Variants in ZFHX3 observed in about 807,000 individuals in gnomAD.
ZFHX3 encodes zinc finger homeobox 3.
Under a neutral mutation model 279.1 loss-of-function variants are expected in ZFHX3, and 42 were observed. That is an observed-to-expected ratio of 0.15 (90% CI 0.12 to 0.19). ZFHX3 has a LOEUF of 0.19. Ranked by LOEUF, ZFHX3 falls within the 10% of genes least tolerant of loss-of-function variation. ZFHX3 has a pLI of 1.00. For synonymous variants in ZFHX3, 2,293 were observed against 1,957.8 expected, an observed-to-expected ratio of 1.17 and a Z score of -4.52; for missense variants, 4,981 against 4,754.0, an observed-to-expected ratio of 1.05 and a Z score of -1.40.
intron 1 of ZFHX3, among the ~76,000 whole-genome samples, chr16:73,016,588 T>C (rs1964111165): frequency 6.6e-6 from 1 of 152,118 alleles, no homozygotes; most frequent in Non-Finnish European, 1.5e-5. Flanking sequence ...CCTCTCAAAA[T>C]AATAATAAAC....
intron 3 of ZFHX3, among the ~76,000 whole-genome samples, chr16:72,944,689 T>C (rs1960578289): frequency 6.6e-6 from 1 of 152,214 alleles, no homozygotes. Context: ...TTACTCATAT[T>C]ACTTTAACTG....
chr16:73,470,028 T>C (rs1238205822), intron 2 of ZFHX3, among the ~76,000 whole-genome samples: 4 of 152,162 alleles, frequency 2.6e-5, no homozygotes, highest in Non-Finnish European at 5.9e-5. Flanking sequence ...TCCAGAATGA[T>C]AGTCTTCCAA....
intron 1 of ZFHX3, among the ~76,000 whole-genome samples, chr16:73,770,628 C>T (rs758775348): frequency 6.6e-6 from 1 of 152,156 alleles, no homozygotes; most frequent in Non-Finnish European, 1.5e-5. Flanking sequence ...AAGAAAATAG[C>T]ATTGCTATCT....
At chr16:73,142,618 T>C (rs1429632973) in intron 6 of ZFHX3, among the ~76,000 whole-genome samples, 4 of 152,184 alleles carry the variant, frequency 2.6e-5, no homozygotes, top group Admixed American at 2.6e-4. Flanking sequence ...GATGCGTTAA[T>C]GAGTGCATGA....
chr16:72,856,642 T>G (rs2037762081), intron 4 of ZFHX3, among the ~76,000 whole-genome samples: 2 of 152,272 alleles, frequency 1.3e-5, no homozygotes, highest in African/African-American at 4.8e-5. Flanking sequence ...GACTTCAATG[T>G]CTAATCTTCC....
chr16:73,286,803 G>A (rs2014614371), intron 4 of ZFHX3, among the ~76,000 whole-genome samples: 1 of 144,938 alleles, frequency 6.9e-6, no homozygotes, highest in South Asian at 2.3e-4. Context: ...GGCTGTGTGG[G>A]TTGGTGTGTG....
intron 3 of ZFHX3, among the ~76,000 whole-genome samples, chr16:73,403,034 GCA>G (rs1040236215): frequency 2.0e-5 from 3 of 152,068 alleles, no homozygotes; most frequent in Non-Finnish European, 4.4e-5. Context: ...GTGTAAATAG[GCA>G]CACACACGTG....
intron 3 of ZFHX3, among the ~76,000 whole-genome samples, chr16:73,320,732 G>T (rs180868006): frequency 6.6e-6 from 1 of 152,298 alleles, no homozygotes; most frequent in Admixed American, 6.5e-5. Context: ...TAAACCATCT[G>T]TGGGATGTCT....
At chr16:73,684,398 G>A (rs561662564) in intron 1 of ZFHX3, among the ~76,000 whole-genome samples, 4 of 151,946 alleles carry the variant, frequency 2.6e-5, no homozygotes, top group African/African-American at 7.2e-5. Flanking sequence ...TTAGACTATA[G>A]GAAATAAAGG....
At chr16:73,698,831 G>GA (rs1217299745) in intron 1 of ZFHX3, among the ~76,000 whole-genome samples, 2 of 151,778 alleles carry the variant, frequency 1.3e-5, no homozygotes, top group Non-Finnish European at 2.9e-5. Flanking sequence ...GATATTAGTG[G>GA]AAAAAACCAA....
At chr16:72,828,024 T>C (rs1210372931) in intron 5 of ZFHX3, among the ~76,000 whole-genome samples, 2 of 152,232 alleles carry the variant, frequency 1.3e-5, no homozygotes, top group Non-Finnish European at 1.5e-5. Flanking sequence ...GACCCATTTC[T>C]TCAGCCTCCT....
chr16:73,238,735 C>T (rs902869303), intron 5 of ZFHX3, among the ~76,000 whole-genome samples: 7 of 152,156 alleles, frequency 4.6e-5, no homozygotes, highest in East Asian at 1.9e-4. Context: ...GCCTCTCCCT[C>T]GCCTGCTCTC....
intron 5 of ZFHX3, among the ~76,000 whole-genome samples, chr16:72,814,176 T>C (rs573669910): frequency 1.8e-4 from 28 of 152,218 alleles, no homozygotes; most frequent in Admixed American, 3.9e-4. Context: ...AGGGTATATA[T>C]AGTTAGGAAA....
chr16:72,794,259 T>G lies in ZFHX3; in HGVS notation c.8423A>C (p.Glu2808Ala), dbSNP rs780547754. Reference protein sequence around the residue: ...TLLSPSSIKVEGIEDFESPSM... With the variant: ...TLLSPSSIKVAGIEDFESPSM... ...GGGGCTTTCAAAGTCTTCAATCCCT[T>G]CCACCTTAATGGAGGAAGGGCTTAG... Residue 2808 changes from glutamate to alanine, a missense_variant, in exon 9 of 10, where the codon GAA becomes GCA. Glu to Ala is a moderately radical substitution (Grantham distance 107). Around this residue, in one of 7 missense-constraint regions of ZFHX3, gnomAD observed 744 missense variants for 701.3 expected, o/e 1.06. Transcript: ENST00000268489. This position sits in a 1 kb window ranked among gnomAD's most constrained non-coding sequence, Gnocchi z 4.2. The G allele has an allele frequency of 1.2e-6, 2 of 1,614,174 alleles. No individual in the cohort carries two copies. The highest frequency in any genetic ancestry group is 1.7e-6 in the Non-Finnish European group (2 of 1,180,012).
intron 4 of ZFHX3, among the ~76,000 whole-genome samples, chr16:72,857,598 T>C (rs535091905): frequency 4.1e-4 from 62 of 152,194 alleles, no homozygotes; most frequent in Non-Finnish European, 8.1e-4. Context: ...GATGGGAGGA[T>C]AGCTTGAGCC....
chr16:73,276,135 T>C (rs2014293931), intron 4 of ZFHX3, among the ~76,000 whole-genome samples: 1 of 152,012 alleles, frequency 6.6e-6, no homozygotes. Context: ...TTTAGAAAAC[T>C]GGGCATTGGA....
chr16:73,803,411 C>T (rs981690723), intron 1 of ZFHX3, among the ~76,000 whole-genome samples: 1 of 152,040 alleles, frequency 6.6e-6, no homozygotes, highest in African/African-American at 2.4e-5. Flanking sequence ...GAAAATACTC[C>T]AATATATTAC....
intron 1 of ZFHX3, among the ~76,000 whole-genome samples, chr16:73,054,146 A>G (rs1009347099): frequency 6.6e-5 from 10 of 152,182 alleles, no homozygotes; most frequent in African/African-American, 2.4e-4. Context: ...ATTGGTGTTT[A>G]TAATCTAAAA....
At chr16:73,394,511 G>A (rs1238743182) in intron 3 of ZFHX3, among the ~76,000 whole-genome samples, 32 of 152,158 alleles carry the variant, frequency 2.1e-4, no homozygotes, top group East Asian at 1.9e-4. Flanking sequence ...TGACCAGGCT[G>A]CATTTGAACT....
Sources: allele counts gnomAD v4.1 joint callset (sites outside exome capture counted in the v4.1 genomes callset), GRCh38; gene constraint gnomAD v4.1.1; regional missense constraint gnomAD v4.1.1; non-coding constraint Gnocchi (gnomAD v3.1); transcripts MANE v1.5; gene names NCBI Gene and HGNC (gene_info 2026-07-23, HGNC 2026-07-21).